The following PPP1R16B variants were observed in gnomAD, a reference collection of about 807,000 sequenced individuals.
PPP1R16B encodes the protein protein phosphatase 1 regulatory inhibitor subunit 16B.
PPP1R16B carries 14 observed loss-of-function variants against 61.7 expected under a neutral mutation model. The ratio of observed to expected loss-of-function variants is 0.23; its 90% confidence interval spans 0.15 to 0.35. PPP1R16B has a LOEUF of 0.35. PPP1R16B is among the 10% of genes least tolerant of loss of function. PPP1R16B has a pLI of 1.00. For synonymous variants in PPP1R16B, 266 were observed against 305.3 expected (o/e 0.87, Z 1.34); for missense variants, 547 against 752.5 (o/e 0.73, Z 3.19).
intron 2 of PPP1R16B, among the ~76,000 whole-genome samples, chr20:38,839,317 A>C (rs912607516): frequency 7.2e-5 from 11 of 152,302 alleles, no homozygotes; most frequent in African/African-American, 2.6e-4. Flanking sequence ...CAGTTCTTTG[A>C]AAGGTTACCC....
chr20:38,856,500 G>A (rs894324707), intron 2 of PPP1R16B, among the ~76,000 whole-genome samples: 1 of 152,164 alleles, frequency 6.6e-6, no homozygotes, highest in Admixed American at 6.5e-5. Flanking sequence ...GGTGTGGTGA[G>A]TTTATTTCCT....
chr20:38,819,889 C>T lies in PPP1R16B; in HGVS notation c.-102+14097C>T, dbSNP rs77961321. 1.3e-3 allele frequency among the ~76,000 whole-genome samples: 193 copies of T among 152,264 alleles called. 3 individuals are homozygous for T. The East Asian group carries it at 0.03, about 23-fold the overall frequency. ...CACAAACTGAACCTATCTATTTAACCCATATCCTGCTTGGAGTGCTACCAG... is the reference window on the plus strand; with the variant it reads ...CACAAACTGAACCTATCTATTTAACTCATATCCTGCTTGGAGTGCTACCAG... On this transcript the variant is annotated intron_variant, in intron 1 of 10. Transcript: ENST00000299824.
intron 2 of PPP1R16B, among the ~76,000 whole-genome samples, chr20:38,866,024 T>TG (rs1369976282): frequency 6.6e-6 from 1 of 151,712 alleles, no homozygotes; most frequent in African/African-American, 2.4e-5. Flanking sequence ...CTCAGGAGGC[T>TG]GGGGCAGGAG....
chr20:38,886,884 C>T (rs921586614), intron 2 of PPP1R16B, among the ~76,000 whole-genome samples: 1 of 152,236 alleles, frequency 6.6e-6, no homozygotes, highest in Non-Finnish European at 1.5e-5. Flanking sequence ...CATGGTTCTG[C>T]CCTTGTGGGG....
rs746121893 is a variant in PPP1R16B at position 38,920,797 on chromosome 20, G to A, written c.*2131G>A. On this transcript the variant is annotated 3_prime_UTR_variant, in exon 11 of 11. Transcript: ENST00000299824. ...GCTTCCCACGACCTTGCCATTTGGG[G>A]TGGGCTCTTCAACATCTCAGGCTGT... is the stretch of plus-strand genomic sequence containing the variant. 1 of 152,552 alleles carries A rather than the reference G, an allele frequency of 6.6e-6. No individual in the cohort carries two copies. The highest frequency in any genetic ancestry group is 1.5e-5 in the Non-Finnish European group (1 of 68,344). The allele number at this position is 152,552 out of a possible 1,614,324, so 9.4% of individuals were successfully genotyped here. A position where few individuals can be genotyped will look rare whatever the true frequency, so the allele number is the denominator to read the frequency against.
Position 38,835,924 on chromosome 20 carries a change from C to T in PPP1R16B, c.-2C>T, listed in dbSNP as rs2084866671. The T allele has an allele frequency of 6.5e-7, 1 of 1,537,216 alleles. No individual in the cohort carries two copies. Among genetic ancestry groups the T allele is most frequent in the Non-Finnish European group, 8.7e-7 (1 of 1,143,986 alleles). ...GCCAGGGCGTTGGGGAGGGCGGTGG[C>T]CATGGCCAGTCACGTGGACCTGCTG... On this transcript the variant is annotated 5_prime_UTR_variant, in exon 2 of 11. Transcript: ENST00000299824.
At position 38,900,610 on chromosome 20, in the gene PPP1R16B, A is replaced by G; in HGVS notation, c.497A>G (p.Asp166Gly). ...GCCGACTTGCTTGCTGTCAACTCGG[A>G]TGGGAACATGCCATATGACCTCTGC... ...YGADLLAVNS[D>G]GNMPYDLCED... The change falls in exon 5 of 11, where the codon GAT becomes GGT. Residue 166 changes from aspartate to glycine, a missense_variant. Physicochemically the swap from Asp to Gly is moderately conservative, Grantham distance 94. Transcript: ENST00000299824. The G allele has an allele frequency of 6.2e-7, 1 of 1,601,884 alleles. No individual in the cohort carries two copies. Among genetic ancestry groups the G allele is most frequent in the Non-Finnish European group, 8.5e-7 (1 of 1,174,876 alleles).
rs189957104 is a variant in PPP1R16B, at chr20:38,814,914, T to C, written c.-102+9122T>C. On this transcript the variant is annotated intron_variant, in intron 1 of 10. Transcript: ENST00000299824. ...TTGGTGACTTTCTCTGTCTCCTGTT[T>C]TCTTTCTGGAACTATTGCTGTCGTT... Among the ~76,000 whole-genome samples, 618 of 152,336 alleles carry C rather than the reference T, an allele frequency of 4.1e-3. 5 individuals are homozygous for C. The highest frequency in any genetic ancestry group is 6.4e-3 in the Non-Finnish European group (432 of 68,024).
chr20:38,874,065 A>G (rs1443713659), intron 2 of PPP1R16B, among the ~76,000 whole-genome samples: 2 of 152,184 alleles, frequency 1.3e-5, no homozygotes, highest in Non-Finnish European at 2.9e-5. Context: ...CTCACAAGGC[A>G]CACTCCATCC....
At chr20:38,812,037 C>T (rs2084704152) in intron 1 of PPP1R16B, among the ~76,000 whole-genome samples, 1 of 152,134 alleles carries the variant, frequency 6.6e-6, no homozygotes, top group South Asian at 2.1e-4. Flanking sequence ...CCTTATGTCC[C>T]CTGGAGTCCC....
In PPP1R16B at chr20:38,835,871, G is replaced by A. The variant is rs1375850868; in HGVS notation, c.-55G>A. The A allele has an allele frequency of 4.5e-5, 67 of 1,474,276 alleles. No individual in the cohort carries two copies. The highest frequency in any genetic ancestry group is 1.9e-4 in the Admixed American group (8 of 43,048). The allele number at this position is 1,474,276 out of a possible 1,614,324, so 91.3% of individuals were successfully genotyped here. On this transcript the variant is annotated 5_prime_UTR_variant, in exon 2 of 11. Transcript: ENST00000299824. ...CCCACCAGAGGCCCCGCGCTGCCCT[G>A]GCCCCCGGTGCACCGTGCTAGCCCC...
intron 3 of PPP1R16B, among the ~76,000 whole-genome samples, chr20:38,895,039 G>C (rs186033556): frequency 4.8e-4 from 73 of 152,234 alleles, no homozygotes; most frequent in Admixed American, 4.2e-3. Flanking sequence ...TGAGCTACCT[G>C]GTCAGAGGTT....
At chr20:38,812,154 C>T (rs2084705005) in intron 1 of PPP1R16B, among the ~76,000 whole-genome samples, 1 of 152,208 alleles carries the variant, frequency 6.6e-6, no homozygotes, top group Non-Finnish European at 1.5e-5. Flanking sequence ...AGACCGAGCT[C>T]TCTGTTTTCC....
intron 2 of PPP1R16B, among the ~76,000 whole-genome samples, chr20:38,871,953 A>G (rs1025251306): frequency 3.9e-5 from 6 of 152,234 alleles, no homozygotes; most frequent in African/African-American, 1.2e-4. Flanking sequence ...CATTATTTCA[A>G]TATGTATTTA....
intron 4 of PPP1R16B, among the ~76,000 whole-genome samples, chr20:38,898,397 C>T (rs1488367994): frequency 6.6e-6 from 1 of 152,074 alleles, no homozygotes; most frequent in Admixed American, 6.6e-5. Flanking sequence ...TTTTGGAGTT[C>T]GTTTTGAAAT....
intron 1 of PPP1R16B, among the ~76,000 whole-genome samples, chr20:38,831,227 G>C (rs1232342195): frequency 6.6e-6 from 1 of 152,162 alleles, no homozygotes; most frequent in Admixed American, 6.5e-5. Flanking sequence ...TTCCTTGGGG[G>C]TCCCCTTTAA....
At chr20:38,884,853 C>T (rs1378565121) in intron 2 of PPP1R16B, among the ~76,000 whole-genome samples, 1 of 151,664 alleles carries the variant, frequency 6.6e-6, no homozygotes, top group Non-Finnish European at 1.5e-5. Context: ...AGGCAGATCA[C>T]GAGGTCAGGA....
intron 2 of PPP1R16B, among the ~76,000 whole-genome samples, chr20:38,857,713 G>C (rs1203179948): frequency 1.3e-5 from 2 of 152,198 alleles, no homozygotes; most frequent in African/African-American, 4.8e-5. Flanking sequence ...GTATATTCCA[G>C]TCTTGGTGTG....
At chr20:38,857,990 A>G (rs1288012910) in intron 2 of PPP1R16B, among the ~76,000 whole-genome samples, 1 of 152,096 alleles carries the variant, frequency 6.6e-6, no homozygotes, top group Non-Finnish European at 1.5e-5. Flanking sequence ...GAAATCCAAG[A>G]TCAAGGTGCC....
Sources: gnomAD v4.1 joint callset for allele counts (sites outside exome capture counted in the v4.1 genomes callset) on GRCh38, gnomAD v4.1.1 for gene constraint, MANE v1.5 for transcripts, NCBI Gene and HGNC (gene_info 2026-07-23, HGNC 2026-07-21) for gene names.